The following PSD3 variants were observed in gnomAD, a reference collection of about 807,000 sequenced individuals.
The protein encoded by PSD3 is PH and SEC7 domain-containing protein 3.
Under a neutral mutation model 105.5 loss-of-function variants are expected in PSD3, and 49 were observed. The observed-to-expected ratio is 0.46, with a 90% CI of 0.37 to 0.59. The LOEUF is 0.59. PSD3 is among the 20% of genes least tolerant of loss of function. PSD3 has a pLI of 0.00. For synonymous variants in PSD3, 557 were observed against 457.8 expected (o/e 1.22, Z -2.77); for missense variants, 1,561 against 1,263.8 (o/e 1.24, Z -3.57).
chr8:18,587,745 C>T (rs754470415), intron 12 of PSD3, among the ~76,000 whole-genome samples: 8 of 152,074 alleles, frequency 5.3e-5, no homozygotes, highest in Non-Finnish European at 1.2e-4. Context: ...TATCTGTTTT[C>T]CTCCTATTTT....
At position 18,799,456 on chromosome 8, in the gene PSD3, C is replaced by T; in HGVS notation, c.2024-103G>A. 2.3e-5 allele frequency: 21 copies of T among 915,010 alleles called. No homozygotes were observed. In the South Asian group the frequency reaches 2.7e-4, roughly 12 times the overall value. The allele number at this position is 915,010 out of a possible 1,614,324, so 56.7% of individuals were successfully genotyped here. A position where few individuals can be genotyped will look rare whatever the true frequency, so the allele number is the denominator to read the frequency against. Reference sequence around the variant, plus strand: ...ACACTCAGAACCTATGAAAACAGTACTGTGCTAGGTACAATTAGTCCTGTT... The same window carrying T: ...ACACTCAGAACCTATGAAAACAGTATTGTGCTAGGTACAATTAGTCCTGTT... On this transcript the variant is annotated intron_variant, in intron 7 of 15. Transcript: ENST00000327040.
chr8:18,851,319 C>T (rs951325731), intron 4 of PSD3, among the ~76,000 whole-genome samples: 8 of 152,218 alleles, frequency 5.3e-5, no homozygotes, highest in African/African-American at 1.9e-4. Flanking sequence ...ATATTCAGCA[C>T]CTTCTACTCT....
intron 4 of PSD3, among the ~76,000 whole-genome samples, chr8:18,855,744 T>C (rs958942492): frequency 4.6e-5 from 7 of 152,318 alleles, no homozygotes; most frequent in African/African-American, 1.7e-4. Context: ...AAAGGAATGA[T>C]AAACATCAGC....
At chr8:18,720,249 G>A (rs1802874054) in intron 9 of PSD3, among the ~76,000 whole-genome samples, 1 of 152,130 alleles carries the variant, frequency 6.6e-6, no homozygotes, top group African/African-American at 2.4e-5. Context: ...TTATTAAAAT[G>A]GTCATTAAAG....
At chr8:18,595,759 T>C (rs566302715) in intron 12 of PSD3, among the ~76,000 whole-genome samples, 13 of 152,106 alleles carry the variant, frequency 8.5e-5, no homozygotes, top group South Asian at 8.3e-4. Context: ...GGCACGTAAA[T>C]ATATAGAGTA....
chr8:18,620,534 A>G (rs1300513191), intron 11 of PSD3, among the ~76,000 whole-genome samples: 1 of 151,738 alleles, frequency 6.6e-6, no homozygotes, highest in Non-Finnish European at 1.5e-5. Context: ...ACATGGTGCA[A>G]CCCTATCTCT....
At chr8:18,987,280 A>ATT (rs199530425) in intron 1 of PSD3, among the ~76,000 whole-genome samples, 11 of 148,018 alleles carry the variant, frequency 7.4e-5, no homozygotes, top group Admixed American at 4.7e-4. Context: ...TTTCTTTTTT[A>ATT]TTTTTTTTTT....
intron 4 of PSD3, among the ~76,000 whole-genome samples, chr8:18,847,360 G>A (rs577575401): frequency 2.0e-5 from 3 of 152,286 alleles, no homozygotes; most frequent in Non-Finnish European, 4.4e-5. Context: ...AATGCAAAAC[G>A]TCAAGCTGTG....
At chr8:18,868,212 G>T in intron 3 of PSD3, 143 bp from the exon 4 acceptor site, 2 of 998,456 alleles carry the variant, frequency 2.0e-6, no homozygotes, top group Non-Finnish European at 2.9e-6. Flanking sequence ...TGGGAAGGAA[G>T]CTATGAAATA....
chr8:18,846,881 T>C (rs1479481126), intron 4 of PSD3, among the ~76,000 whole-genome samples: 2 of 151,944 alleles, frequency 1.3e-5, no homozygotes, highest in African/African-American at 4.8e-5. Flanking sequence ...ATTTTAAAGA[T>C]GAGGTCAGCT....
At chr8:18,547,794 T>C (rs1352884448) in intron 15 of PSD3, among the ~76,000 whole-genome samples, 1 of 152,208 alleles carries the variant, frequency 6.6e-6, no homozygotes, top group African/African-American at 2.4e-5. Context: ...TGGAACCTGA[T>C]TGGAGGTCTT....
At chr8:18,920,309 C>T (rs1185453765) in intron 2 of PSD3, among the ~76,000 whole-genome samples, 1 of 152,068 alleles carries the variant, frequency 6.6e-6, no homozygotes, top group African/African-American at 2.4e-5. Context: ...CAAAATAATC[C>T]ATATAATGCC....
intron 4 of PSD3, chr8:18,865,278 ATATATATATTTTTTTTTTTTTTT>A (rs1816835378): frequency 4.2e-4 from 1 of 2,402 alleles, no homozygotes; most frequent in African/African-American, 1.7e-3. Context: ...ATATATATAT[ATATATATATTTTTTTTTTTTTTT>A]TTTTTTTTAA....
chr8:18,793,446 G>A (rs1367945195), intron 8 of PSD3, among the ~76,000 whole-genome samples: 1 of 149,704 alleles, frequency 6.7e-6, no homozygotes, highest in Non-Finnish European at 1.5e-5. Flanking sequence ...GTTTACCTAT[G>A]TAACAAACCT....
At chr8:18,743,959 T>TCACCAGCACCACCACCAC (rs1804782308) in intron 9 of PSD3, among the ~76,000 whole-genome samples, 1 of 138,814 alleles carries the variant, frequency 7.2e-6, no homozygotes, top group African/African-American at 3.0e-5. Flanking sequence ...ACTCTGTCTC[T>TCACCAGCACCACCACCAC]CACCACCACC....
chr8:18,909,016 C>T (rs232726), intron 2 of PSD3, among the ~76,000 whole-genome samples: 88,891 of 152,038 alleles, frequency 0.58, 26,365 homozygotes, highest in African/African-American at 0.65. Context: ...TTTAATTCTA[C>T]TCATTTTAAC....
At chr8:18,819,033 C>T (rs1812468017) in intron 4 of PSD3, among the ~76,000 whole-genome samples, 1 of 150,362 alleles carries the variant, frequency 6.7e-6, no homozygotes, top group Non-Finnish European at 1.5e-5. Context: ...TACCTCTAGG[C>T]CACAAGGACT....
intron 1 of PSD3, among the ~76,000 whole-genome samples, chr8:19,008,548 C>A (rs1826806274): frequency 6.6e-6 from 1 of 152,156 alleles, no homozygotes; most frequent in African/African-American, 2.4e-5. Flanking sequence ...CAAATAACTT[C>A]TTGAAAGTAC....
intron 1 of PSD3, among the ~76,000 whole-genome samples, chr8:18,966,921 G>T (rs186249882): frequency 2.6e-5 from 4 of 152,164 alleles, no homozygotes; most frequent in African/African-American, 9.6e-5. Flanking sequence ...GCTTGGGTAG[G>T]GGGAGAAGGG....
Sources: gnomAD v4.1 joint callset for allele counts (sites outside exome capture counted in the v4.1 genomes callset) on GRCh38, gnomAD v4.1.1 for gene constraint, MANE v1.5 for transcripts, NCBI Gene and HGNC (gene_info 2026-07-23, HGNC 2026-07-21) for gene names.